CATSPERG: variants seen among roughly 807,000 people sequenced by gnomAD.
CATSPERG encodes the protein catsper channel auxiliary subunit gamma, also known as cation channel sperm-associated auxiliary subunit gamma.
A neutral mutation model predicts 145.0 loss-of-function variants in CATSPERG; 115 were observed. The observed-to-expected ratio is 0.79, with a 90% CI of 0.68 to 0.93. The LOEUF is 0.93. Among genes scored for constraint, CATSPERG ranks in the 40% least tolerant of loss-of-function variants. The pLI, the probability that CATSPERG is intolerant of heterozygous loss-of-function variation, is 0.00. For missense variants in CATSPERG, 1,296 were observed against 1,490.1 expected (o/e 0.87, Z 2.14); for synonymous variants, 588 against 589.0 (o/e 1.00, Z 0.02).
intron 26 of CATSPERG, 78 bp from the exon 27 acceptor site, chr19:38,369,894 T>G: frequency 3.0e-6 from 4 of 1,345,908 alleles, no homozygotes; most frequent in South Asian, 1.2e-5. Flanking sequence ...ACCGAAAACA[T>G]TGGGTGGAGG....
At chr19:38,360,204 G>C (rs1397008682) in intron 14 of CATSPERG, 1 of 985,284 alleles carries the variant, frequency 1.0e-6, no homozygotes, top group Non-Finnish European at 1.2e-6. Context: ...GGGAGTGTGT[G>C]TGTTAGAGAT....
In CATSPERG at chr19:38,346,440, T is replaced by A; in HGVS notation, c.670-10T>A. ...AGAGTGTTGGCGTCCCTCCTGTCCCTCCTTGGCAGCTCTTCAACCTGATGC... is the reference window on the plus strand; with the variant it reads ...AGAGTGTTGGCGTCCCTCCTGTCCCACCTTGGCAGCTCTTCAACCTGATGC... On this transcript the variant is annotated splice_polypyrimidine_tract_variant and intron_variant, in intron 6 of 28. Transcript: ENST00000409235. 1.3e-6 allele frequency: 2 copies of A among 1,531,882 alleles called. No individual in the cohort carries two copies. Among genetic ancestry groups the A allele is most frequent in the Non-Finnish European group, 1.8e-6 (2 of 1,131,814 alleles). 94.9% of individuals were successfully genotyped at this position (1,531,882 alleles called of 1,614,324 possible).
intron 8 of CATSPERG, among the ~76,000 whole-genome samples, chr19:38,353,990 CAAAA>C (rs965226814): frequency 9.5e-4 from 29 of 30,588 alleles, no homozygotes; most frequent in African/African-American, 3.4e-3. Context: ...GACTCTGTCT[CAAAA>C]AAAAAAAAAA....
In CATSPERG at chr19:38,346,612, G is replaced by T. The variant is rs1217847129; in HGVS notation, c.825+7G>T. On this transcript the variant is annotated splice_region_variant and intron_variant, in intron 7 of 28. Transcript: ENST00000409235. ...GGACTTCTCTCTCGTGGAGGTGAAC[G>T]GTGTGGGGCAGATGGTGGGCGGGGC... The T allele has an allele frequency of 6.5e-7, 1 of 1,541,942 alleles. No individual in the cohort carries two copies. Among genetic ancestry groups the T allele is most frequent in the East Asian group, 2.5e-5 (1 of 40,620 alleles).
At chr19:38,364,522 C>G (rs568813141) in intron 20 of CATSPERG, among the ~76,000 whole-genome samples, 293 of 152,310 alleles carry the variant, frequency 1.9e-3, no homozygotes, top group Non-Finnish European at 3.5e-3. Context: ...GACGGGGTGG[C>G]GGCCGGGCAG....
Position 38,358,416 on chromosome 19 carries a change from CCTCTG to C in CATSPERG, c.1367-12_1367-8del. Reference sequence around the variant, plus strand: ...CCACTTCACTGCTGTGTCCTCTCTTCCTCTGCTCCGGTCAGCTCGAGGATTGGAGT... The same window carrying C: ...CCACTTCACTGCTGTGTCCTCTCTTCCTCCGGTCAGCTCGAGGATTGGAGT... On this transcript the variant is annotated splice_polypyrimidine_tract_variant and intron_variant, in intron 12 of 28. Coordinates refer to ENST00000409235, the MANE Select transcript of CATSPERG (RefSeq NM_021185.5). 6.8e-6 allele frequency: 11 copies of C among 1,614,194 alleles called. No individual in the cohort carries two copies. Among genetic ancestry groups the C allele is most frequent in the Non-Finnish European group, 8.5e-6 (10 of 1,180,020 alleles).
intron 3 of CATSPERG, among the ~76,000 whole-genome samples, chr19:38,339,809 GC>G (rs1436374566): frequency 6.6e-6 from 1 of 151,634 alleles, no homozygotes; most frequent in Non-Finnish European, 1.5e-5. Context: ...TGAGGTCCAA[GC>G]TTTTACACGT....
intron 6 of CATSPERG, 127 bp from the exon 7 acceptor site, chr19:38,346,323 G>A: frequency 1.2e-6 from 1 of 845,082 alleles, no homozygotes; most frequent in South Asian, 2.2e-5. Context: ...AAGGAATGAG[G>A]TCAAGGAAGT....
chr19:38,365,341 G>A (rs12151131), intron 22 of CATSPERG: 81,829 of 516,090 alleles, frequency 0.16, 7,324 homozygotes, highest in East Asian at 0.18. Flanking sequence ...GCGGCGGCGC[G>A]GTCTTGGCTC....
intron 26 of CATSPERG, among the ~76,000 whole-genome samples, chr19:38,369,193 G>A (rs1261449952): frequency 6.6e-6 from 1 of 152,202 alleles, no homozygotes; most frequent in African/African-American, 2.4e-5. Flanking sequence ...ATGAAGCCAT[G>A]AGCAAATGAA....
In CATSPERG at chr19:38,370,885, T is replaced by C; in HGVS notation, c.*93T>C. On this transcript the variant is annotated 3_prime_UTR_variant, in exon 29 of 29. Coordinates refer to ENST00000409235, the MANE Select transcript of CATSPERG (RefSeq NM_021185.5). ...ACCTGTCACCCAGCCCAGGCCTCTCTTTCTGTTTTGCTTGATGTTTACTTC... is the reference window on the plus strand; with the variant it reads ...ACCTGTCACCCAGCCCAGGCCTCTCCTTCTGTTTTGCTTGATGTTTACTTC... 7.2e-7 allele frequency: 1 copy of C among 1,395,088 alleles called. No homozygotes were observed. The highest frequency in any genetic ancestry group is 9.9e-7 in the Non-Finnish European group (1 of 1,011,874). 86.4% of individuals were successfully genotyped at this position (1,395,088 alleles called of 1,614,324 possible). A position where few individuals can be genotyped will look rare whatever the true frequency, so the allele number is the denominator to read the frequency against.
In CATSPERG at chr19:38,349,964, C is replaced by T. The variant is rs1047853867; in HGVS notation, c.826-2297C>T. Among the ~76,000 whole-genome samples, 6 of 152,168 alleles carry T rather than the reference C, an allele frequency of 3.9e-5. No homozygotes were observed. In the East Asian group the frequency reaches 7.7e-4, roughly 20 times the overall value. On this transcript the variant is annotated intron_variant, in intron 7 of 28. Transcript: ENST00000409235. ...ACAGGTGTGAGCCACCGCACCCGGC[C>T]GTTGCTCATTCTCGTAACAGTCTGG...
At chr19:38,358,611 C>A (rs2145095677) in intron 13 of CATSPERG, 50 bp downstream of exon 13, 1 of 1,611,162 alleles carries the variant, frequency 6.2e-7, no homozygotes, top group Non-Finnish European at 8.5e-7. Flanking sequence ...GTCTCCCCAG[C>A]AACTTTACGG....
intron 7 of CATSPERG, 41 bp from the exon 8 acceptor site, chr19:38,352,220 C>G: frequency 6.5e-7 from 1 of 1,544,982 alleles, no homozygotes; most frequent in Non-Finnish European, 8.7e-7. Context: ...GGGGCTGAGG[C>G]CAAGGCCACC....
At chr19:38,357,171 C>G (rs1970258675) in intron 11 of CATSPERG, among the ~76,000 whole-genome samples, 1 of 152,120 alleles carries the variant, frequency 6.6e-6, no homozygotes, top group Non-Finnish European at 1.5e-5. Flanking sequence ...TGTGCCTTAA[C>G]AGGACTGTTT....
At chr19:38,343,453 C>CACTGGGA (rs1969970914) in intron 3 of CATSPERG, 127 bp from the exon 4 acceptor site, 1 of 835,484 alleles carries the variant, frequency 1.2e-6, no homozygotes, top group Non-Finnish European at 1.8e-6. Context: ...TGTCCTCTGA[C>CACTGGGA]CATCACATGG....
At chr19:38,370,087 G>T (rs769071957) in intron 27 of CATSPERG, 23 bp downstream of exon 27, 1 of 1,613,776 alleles carries the variant, frequency 6.2e-7, no homozygotes. Context: ...AGTGGCCCAG[G>T]TGCGGGTCAG....
chr19:38,367,887 C>A, intron 25 of CATSPERG, 111 bp downstream of exon 25: 1 of 1,199,414 alleles, frequency 8.3e-7, no homozygotes, highest in Non-Finnish European at 1.2e-6. Context: ...TCAGGCCCTG[C>A]CCACAGTGGG....
Position 38,352,273 on chromosome 19 carries a change from A to G in CATSPERG, c.838A>G (p.Ser280Gly). The part of the protein sequence containing the change: ...DFSLVELSID[S>G]CWVGSFYCPH... The stretch of plus-strand genomic sequence containing the variant: ...TGCTCCCCTGCAGCTGAGCATTGAC[A>G]GTTGCTGGGTGGGCTCCTTCTACTG... Residue 280 changes from serine (S) to glycine (G), a missense_variant, in exon 8 of 29, where the codon AGT becomes GGT. Coordinates refer to ENST00000409235, the MANE Select transcript of CATSPERG (RefSeq NM_021185.5). 1.3e-6 allele frequency: 2 copies of G among 1,551,528 alleles called. No individual in the cohort carries two copies. The highest frequency in any genetic ancestry group is 1.7e-6 in the Non-Finnish European group (2 of 1,147,064).
Sources: allele counts gnomAD v4.1 joint callset (sites outside exome capture counted in the v4.1 genomes callset), GRCh38; gene constraint gnomAD v4.1.1; transcripts MANE v1.5; gene names NCBI Gene and HGNC (gene_info 2026-07-23, HGNC 2026-07-21).